The following ZNF385D variants were observed in gnomAD, a reference collection of about 807,000 sequenced individuals.
ZNF385D encodes the protein zinc finger protein 385D, also known as zinc finger protein 659.
ZNF385D carries 15 observed loss-of-function variants against 35.8 expected under a neutral mutation model. That is an observed-to-expected ratio of 0.42 (90% CI 0.28 to 0.64). ZNF385D has a LOEUF of 0.64. Among genes scored for constraint, ZNF385D ranks in the 30% least tolerant of loss-of-function variants. The probability of loss-of-function intolerance (pLI) is 0.23; values close to 1 mark genes in which losing one functional copy is unlikely to be tolerated. For synonymous variants in ZNF385D, 212 were observed against 186.8 expected (o/e 1.13, Z -1.10); for missense variants, 474 against 494.6 (o/e 0.96, Z 0.39).
At chr3:21,923,226 T>G (rs1215906578) in intron 3 of ZNF385D, among the ~76,000 whole-genome samples, 1 of 151,646 alleles carries the variant, frequency 6.6e-6, no homozygotes, top group Non-Finnish European at 1.5e-5. Context: ...ATGTTCCCCT[T>G]CCTGTGTCCA....
At chr3:21,802,486 A>G (rs879394714) in intron 3 of ZNF385D, among the ~76,000 whole-genome samples, 2 of 152,186 alleles carry the variant, frequency 1.3e-5, no homozygotes, top group African/African-American at 4.8e-5. Context: ...CAAGTAAATA[A>G]TACACTTGAA....
At chr3:22,339,873 A>C (rs1046355547) in intron 2 of ZNF385D, among the ~76,000 whole-genome samples, 1 of 152,138 alleles carries the variant, frequency 6.6e-6, no homozygotes, top group African/African-American at 2.4e-5. Context: ...CTTTCCTCTG[A>C]ATCTCTGGTC....
At chr3:21,727,681 G>C (rs2068825814) in intron 1 of ZNF385D, among the ~76,000 whole-genome samples, 1 of 152,204 alleles carries the variant, frequency 6.6e-6, no homozygotes, top group Non-Finnish European at 1.5e-5. Context: ...TGCTGGAGAG[G>C]ATGTGGAGAA....
At chr3:21,969,679 T>C (rs1559802421) in intron 3 of ZNF385D, among the ~76,000 whole-genome samples, 1 of 152,086 alleles carries the variant, frequency 6.6e-6, no homozygotes, top group South Asian at 2.1e-4. Flanking sequence ...CATCTGCTTA[T>C]TGTAGGGTCC....
At chr3:21,745,162 C>A (rs1270970393) in intron 1 of ZNF385D, among the ~76,000 whole-genome samples, 1 of 152,178 alleles carries the variant, frequency 6.6e-6, no homozygotes, top group East Asian at 1.9e-4. Context: ...GGGCAGACAG[C>A]ATTTTCTGTG....
intron 2 of ZNF385D, among the ~76,000 whole-genome samples, chr3:22,218,718 A>G (rs912402997): frequency 1.3e-5 from 2 of 152,058 alleles, no homozygotes; most frequent in African/African-American, 2.4e-5. Context: ...CTGGGTGAAT[A>G]TTATTAATTG....
chr3:21,805,140 G>T (rs555351735), intron 3 of ZNF385D, among the ~76,000 whole-genome samples: 1 of 152,314 alleles, frequency 6.6e-6, no homozygotes, highest in African/African-American at 2.4e-5. Flanking sequence ...CCTCCCATTT[G>T]TATGAATGGT....
intron 3 of ZNF385D, among the ~76,000 whole-genome samples, chr3:22,038,118 G>C (rs931788448): frequency 1.3e-5 from 2 of 152,146 alleles, no homozygotes; most frequent in Admixed American, 6.5e-5. Flanking sequence ...ACATGAAATT[G>C]AACTCCATCT....
chr3:22,197,463 G>A (rs1370511174), intron 2 of ZNF385D, among the ~76,000 whole-genome samples: 1 of 151,936 alleles, frequency 6.6e-6, no homozygotes, highest in East Asian at 1.9e-4. Context: ...TTGGCAGTTC[G>A]ACTCATCTAT....
chr3:22,184,003 G>C lies in ZNF385D; in HGVS notation c.107-14968C>G, dbSNP rs189880361. On this transcript the variant is annotated intron_variant, in intron 2 of 5. Coordinates refer to the ZNF385D transcript ENST00000494108. Reference sequence around the variant, plus strand: ...ACTATGAGTTTCACTTTGTCAGTATGTGAATTTTAAACTAAATATCAACTC... The same window carrying C: ...ACTATGAGTTTCACTTTGTCAGTATCTGAATTTTAAACTAAATATCAACTC... 3.9e-5 allele frequency among the ~76,000 whole-genome samples: 6 copies of C among 152,226 alleles called. No individual in the cohort carries two copies. In the East Asian group the frequency reaches 1.2e-3, roughly 29 times the overall value.
rs532389973 is a variant in ZNF385D at position 21,646,623 on chromosome 3, A to G, written c.165+18263T>C. Among the ~76,000 whole-genome samples, 90 of 152,348 alleles carry G rather than the reference A, an allele frequency of 5.9e-4. 1 individual carries two copies. The highest frequency in any genetic ancestry group is 1.8e-3 in the African/African-American group (73 of 41,576). On this transcript the variant is annotated intron_variant, in intron 2 of 7. Transcript: ENST00000281523. This position sits in a 1 kb window ranked among gnomAD's most constrained non-coding sequence, Gnocchi z 4.3. ...ATGTCAGACCTAGATAAACTCTGATAATCTTGACAACTCTTCAGTCTCCAT... is the reference window on the plus strand; with the variant it reads ...ATGTCAGACCTAGATAAACTCTGATGATCTTGACAACTCTTCAGTCTCCAT...
intron 3 of ZNF385D, among the ~76,000 whole-genome samples, chr3:21,867,719 G>T (rs995759136): frequency 2.1e-5 from 3 of 144,830 alleles, no homozygotes; most frequent in Non-Finnish European, 4.5e-5. Flanking sequence ...ATGCCAAGAG[G>T]CAATATGTTT....
At chr3:22,273,143 G>A (rs1365316861) in intron 2 of ZNF385D, among the ~76,000 whole-genome samples, 1 of 151,836 alleles carries the variant, frequency 6.6e-6, no homozygotes, top group East Asian at 1.9e-4. Context: ...ATATTTCCCT[G>A]GACTAAAGGT....
chr3:21,424,112 A>T (rs1334299361), intron 6 of ZNF385D, 48 bp from the exon 7 acceptor site: 1 of 1,492,298 alleles, frequency 6.7e-7, no homozygotes, highest in Non-Finnish European at 9.0e-7. Flanking sequence ...TCATCTGCAA[A>T]AACCTCTCAC....
chr3:22,261,360 G>T (rs942395065), intron 2 of ZNF385D, among the ~76,000 whole-genome samples: 4 of 152,058 alleles, frequency 2.6e-5, no homozygotes, highest in African/African-American at 9.7e-5. Flanking sequence ...ACAATCTAAT[G>T]CATTGTGTGG....
chr3:22,189,810 C>T (rs896542271), intron 2 of ZNF385D, among the ~76,000 whole-genome samples: 2 of 152,132 alleles, frequency 1.3e-5, no homozygotes, highest in Admixed American at 1.3e-4. Context: ...TTAATAGACA[C>T]AGACATGGGC....
chr3:22,211,621 G>C (rs903608784), intron 2 of ZNF385D, among the ~76,000 whole-genome samples: 2 of 151,982 alleles, frequency 1.3e-5, no homozygotes, highest in Non-Finnish European at 2.9e-5. Context: ...AGTCTATATA[G>C]AAAGAAAGAA....
intron 2 of ZNF385D, among the ~76,000 whole-genome samples, chr3:21,619,288 T>C (rs1331224090): frequency 2.6e-5 from 4 of 152,112 alleles, no homozygotes; most frequent in Admixed American, 1.3e-4. Flanking sequence ...TCTTTTATTT[T>C]TTGCAAAACC....
intron 3 of ZNF385D, among the ~76,000 whole-genome samples, chr3:22,048,858 A>G (rs539976649): frequency 6.6e-6 from 1 of 152,252 alleles, no homozygotes; most frequent in East Asian, 1.9e-4. Context: ...AATAATTATT[A>G]ATTCTTTCAA....
Sources: allele counts gnomAD v4.1 joint callset (sites outside exome capture counted in the v4.1 genomes callset), GRCh38; gene constraint gnomAD v4.1.1; non-coding constraint Gnocchi (gnomAD v3.1); transcripts MANE v1.5; gene names NCBI Gene and HGNC (gene_info 2026-07-23, HGNC 2026-07-21).